AARS2: variants seen among roughly 807,000 people sequenced by gnomAD.
AARS2 encodes the protein alanyl-tRNA synthetase 2, mitochondrial.
In AARS2, 78 loss-of-function variants were observed where a neutral mutation model predicts 119.7. The observed-to-expected ratio is 0.65, with a 90% confidence interval of 0.54 to 0.79. The LOEUF (loss-of-function observed/expected upper bound fraction) is 0.79. AARS2 is among the 30% of genes least tolerant of loss of function. The probability of loss-of-function intolerance (pLI) is 0.00; values close to 1 mark genes in which losing one functional copy is unlikely to be tolerated. For synonymous variants in AARS2, 502 were observed against 526.3 expected (o/e 0.95, Z 0.63); for missense variants, 1,157 against 1,291.3 (o/e 0.90, Z 1.59).
intron 7 of AARS2, among the ~76,000 whole-genome samples, 176 bp downstream of exon 7, chr6:44,306,747 G>A (rs1284011236): frequency 6.6e-6 from 1 of 152,192 alleles, no homozygotes; most frequent in East Asian, 1.9e-4. Flanking sequence ...GCCTCCTCAA[G>A]TTCTCCTGCT....
chr6:44,313,166 C>A lies in AARS2; in HGVS notation c.158G>T (p.Arg53Leu), dbSNP rs1786523591. The A allele has an allele frequency of 6.2e-7, 1 of 1,612,732 alleles. No homozygotes were observed. The highest frequency in any genetic ancestry group is 8.5e-7 in the Non-Finnish European group (1 of 1,179,680). The change falls in exon 1 of 22, where the codon CGC (arginine) becomes CTC (leucine). Residue 53 changes from arginine (R) to leucine (L), a missense_variant. Transcript: ENST00000244571. ...GGAGGGCACCAGCCGGTGGCCATGGCGGTCCCGAAAGAAGTTCAGAAAGGC... is the reference window on the plus strand; with the variant it reads ...GGAGGGCACCAGCCGGTGGCCATGGAGGTCCCGAAAGAAGTTCAGAAAGGC... ...RAAFLNFFRD[R>L]HGHRLVPSAS...
chr6:44,301,929 G>A, intron 19 of AARS2, 131 bp downstream of exon 19: 2 of 615,212 alleles, frequency 3.3e-6, no homozygotes, highest in Non-Finnish European at 5.1e-6. Flanking sequence ...TCAGCTGGCA[G>A]GAGAAGGAAG....
At chr6:44,310,533 C>G (rs957237776) in intron 4 of AARS2, 90 bp from the exon 5 acceptor site, 32 of 1,523,058 alleles carry the variant, frequency 2.1e-5, no homozygotes, top group Middle Eastern at 2.3e-4. Context: ...TGGGGGGGGG[C>G]CCAAGGGAGC....
intron 19 of AARS2, among the ~76,000 whole-genome samples, 160 bp from the exon 20 acceptor site, chr6:44,301,624 G>A (rs529943229): frequency 5.9e-5 from 9 of 152,126 alleles, no homozygotes; most frequent in Non-Finnish European, 1.2e-4. Context: ...TCTGCCTAGG[G>A]TGGCCTCCTT....
chr6:44,311,560 G>GC, intron 2 of AARS2, 25 bp from the exon 3 acceptor site: 2 of 1,604,314 alleles, frequency 1.2e-6, no homozygotes, highest in Non-Finnish European at 1.7e-6. Flanking sequence ...AGCATGGGGT[G>GC]GGGGGGGAAG....
Position 44,312,220 on chromosome 6 carries a change from A to G in AARS2, c.287T>C (p.Met96Thr). The change falls in exon 2 of 22, where the codon ATG becomes ACG. Residue 96 changes from methionine to threonine, a missense_variant. Physicochemically the swap from Met to Thr is moderately conservative, Grantham distance 81. Transcript: ENST00000244571. ...GTTGGCCACACGTCGGAAGCCTGCC[A>G]TCTCGCTTCGTGGATCCACGGTGCC... ...FLGTVDPRSEMAGFRRVANSQ... is the reference protein window; with the variant it reads ...FLGTVDPRSETAGFRRVANSQ... 6.2e-7 allele frequency: 1 copy of G among 1,614,062 alleles called. No homozygotes were observed. Among genetic ancestry groups the G allele is most frequent in the Non-Finnish European group, 8.5e-7 (1 of 1,179,888 alleles).
chr6:44,304,137 G>A (rs1462922762), intron 14 of AARS2, 44 bp downstream of exon 14: 1 of 1,611,032 alleles, frequency 6.2e-7, no homozygotes, highest in South Asian at 1.1e-5. Context: ...TCTCTTTTAT[G>A]CCTGTCACCT....
rs753002693 is a variant in AARS2 at position 44,312,149 on chromosome 6, C to T, written c.358G>A (p.Asp120Asn). 7 of 1,614,280 alleles carry T rather than the reference C, an allele frequency of 4.3e-6. No individual in the cohort carries two copies. In the Admixed American group the frequency reaches 1.0e-4, roughly 23 times the overall value. ...RAGGHHNDLE[D>N]VGRDLSHHTF... ...TGATGGGAAAGGTCTCGACCCACAT[C>T]TTCCAGGTCGTTATGGTGTCCTCCA... Residue 120 changes from aspartate (D) to asparagine (N), a missense_variant, in exon 2 of 22, where the codon GAT becomes AAT. Physicochemically the swap from Asp to Asn is conservative, Grantham distance 23. Coordinates refer to ENST00000244571, the MANE Select transcript of AARS2 (RefSeq NM_020745.4).
chr6:44,311,215 C>T (rs1245010530), intron 3 of AARS2, 54 bp from the exon 4 acceptor site: 2 of 1,610,758 alleles, frequency 1.2e-6, no homozygotes, highest in Non-Finnish European at 1.7e-6. Context: ...GAAGCTGGGA[C>T]TCTCTCTGCC....
rs1489485433 is a variant in AARS2 at position 44,311,086 on chromosome 6, C to T, written c.657G>A (p.Gly219=). 1.2e-6 allele frequency: 2 copies of T among 1,614,080 alleles called. No individual in the cohort carries two copies. The highest frequency in any genetic ancestry group is 1.3e-5 in the African/African-American group (1 of 75,036). Residue 219 remains glycine (G), a synonymous_variant, in exon 4 of 22, where the codon GGG becomes GGA. Transcript: ENST00000244571. The stretch of plus-strand genomic sequence containing the variant: ...GGTCGTAGTGGATCTCAGTACAGGG[C>T]CCACAAGGGCCAGTATCCCCCATCT... ...FWEMGDTGPC[G]PCTEIHYDLA...
intron 5 of AARS2, among the ~76,000 whole-genome samples, chr6:44,309,170 T>G (rs1207564435): frequency 1.3e-5 from 2 of 152,194 alleles, no homozygotes; most frequent in Non-Finnish European, 2.9e-5. Flanking sequence ...ATGTGTCTGC[T>G]CTCTGTCTTG....
intron 14 of AARS2, among the ~76,000 whole-genome samples, chr6:44,303,800 A>C (rs1009539434): frequency 2.6e-5 from 4 of 152,186 alleles, no homozygotes; most frequent in African/African-American, 9.7e-5. Context: ...TTCCTGGAGA[A>C]AGGATTTAAG....
rs76837377 is a variant in AARS2, at chr6:44,311,639, G to C, written c.436-104C>G. On this transcript the variant is annotated intron_variant, in intron 2 of 21. Coordinates refer to ENST00000244571, the MANE Select transcript of AARS2 (RefSeq NM_020745.4). ...GTTTAGCTCCCGACTTAAGACAAAAGCATTTCTGCTGCCATCTTGTTCCCA... is the reference window on the plus strand; with the variant it reads ...GTTTAGCTCCCGACTTAAGACAAAACCATTTCTGCTGCCATCTTGTTCCCA... The C allele has an allele frequency of 9.0e-5, 121 of 1,351,544 alleles. No homozygotes were observed. In the East Asian group the frequency reaches 2.8e-3, roughly 32 times the overall value. The allele number at this position is 1,351,544 out of a possible 1,614,324, so 83.7% of individuals were successfully genotyped here.
At chr6:44,302,780 C>T (rs761456621) in intron 17 of AARS2, 22 bp downstream of exon 17, 15 of 1,606,756 alleles carry the variant, frequency 9.3e-6, no homozygotes, top group Non-Finnish European at 1.2e-5. Context: ...CCCAGAAGTC[C>T]CAGGCCTACT....
Position 44,307,448 on chromosome 6 carries a change from G to A in AARS2, c.895-54C>T. 1 of 1,551,522 alleles carries A rather than the reference G, an allele frequency of 6.4e-7. No homozygotes were observed. Among genetic ancestry groups the A allele is most frequent in the South Asian group, 1.2e-5 (1 of 84,754 alleles). On this transcript the variant is annotated intron_variant, in intron 5 of 21. Transcript: ENST00000244571. The surrounding 1 kb of genome is among the most constrained non-coding windows in gnomAD (Gnocchi z 4.4). ...CCTGCCTGACCTGGCCCAGGTGGGT[G>A]CTCTTTATCGCCTCTAGAGCATCTG... is the stretch of plus-strand genomic sequence containing the variant.
In AARS2 at chr6:44,298,822, A is replaced by G. The variant is rs1785127494; in HGVS notation, c.*1725T>C. On this transcript the variant is annotated 3_prime_UTR_variant, in exon 22 of 22. Coordinates refer to ENST00000244571, the MANE Select transcript of AARS2 (RefSeq NM_020745.4). ...CTGAGGCCCTTTCCTTCATCTAGCA[A>G]CAGAGATCTAGGAACAAAGGCAGAG... is the stretch of plus-strand genomic sequence containing the variant. 6.6e-6 allele frequency among the ~76,000 whole-genome samples: 1 copy of G among 152,172 alleles called. No homozygotes were observed. The highest frequency in any genetic ancestry group is 2.4e-5 in the African/African-American group (1 of 41,428).
rs745761471 is a variant in AARS2, at chr6:44,312,139, C to T, written c.368G>A (p.Arg123Gln). ...GHHNDLEDVG[R>Q]DLSHHTFFEM... is the part of the protein sequence containing the mutation. ...AAAGAAGGTATGATGGGAAAGGTCT[C>T]GACCCACATCTTCCAGGTCGTTATG... The change falls in exon 2 of 22, where the codon CGA (arginine) becomes CAA (glutamine). Residue 123 changes from arginine (R) to glutamine (Q), a missense_variant. Coordinates refer to ENST00000244571, the MANE Select transcript of AARS2 (RefSeq NM_020745.4). 6.2e-7 allele frequency: 1 copy of T among 1,614,260 alleles called. No homozygotes were observed. The highest frequency in any genetic ancestry group is 8.5e-7 in the Non-Finnish European group (1 of 1,180,054).
intron 9 of AARS2, 25 bp downstream of exon 9, chr6:44,306,255 T>A: frequency 6.2e-7 from 1 of 1,607,264 alleles, no homozygotes; most frequent in Non-Finnish European, 8.5e-7. Context: ...GAGCCCCTTG[T>A]GCATGGGCTA....
In AARS2 at chr6:44,302,691, A is replaced by G. The variant is rs115619046; in HGVS notation, c.2364+111T>C. 1.4e-3 allele frequency: 2,022 copies of G among 1,454,052 alleles called. 26 individuals are homozygous for G. In the African/African-American group the frequency reaches 0.026, roughly 19 times the overall value. 90.1% of individuals were successfully genotyped at this position (1,454,052 alleles called of 1,614,324 possible). A position where few individuals can be genotyped will look rare whatever the true frequency, so the allele number is the denominator to read the frequency against. ...AGCTGATATGGCCACATTGGTGTCC[A>G]AGTATGAACACTGGCTCTGCTGCTG... is the stretch of plus-strand genomic sequence containing the variant. On this transcript the variant is annotated intron_variant, in intron 17 of 21. Transcript: ENST00000244571.
Sources: gnomAD v4.1 joint callset for allele counts (sites outside exome capture counted in the v4.1 genomes callset) on GRCh38, gnomAD v4.1.1 for gene constraint, Gnocchi (gnomAD v3.1) non-coding constraint, MANE v1.5 for transcripts, NCBI Gene and HGNC (gene_info 2026-07-23, HGNC 2026-07-21) for gene names.